SLC24A2: variants seen among roughly 807,000 people sequenced by gnomAD.
SLC24A2 encodes sodium/potassium/calcium exchanger 2.
SLC24A2 carries 36 observed loss-of-function variants against 62.0 expected under a neutral mutation model. The ratio of observed to expected loss-of-function variants is 0.58; its 90% confidence interval spans 0.44 to 0.77. SLC24A2 has a LOEUF of 0.77. Among genes scored for constraint, SLC24A2 ranks in the 30% least tolerant of loss-of-function variants. The probability of loss-of-function intolerance (pLI) is 0.00; values close to 1 mark genes in which losing one functional copy is unlikely to be tolerated. For missense variants in SLC24A2, 846 were observed against 817.9 expected, an observed-to-expected ratio of 1.03 and a Z score of -0.42; for synonymous variants, 358 against 294.0, an observed-to-expected ratio of 1.22 and a Z score of -2.23.
chr9:19,536,317 C>G (rs937873942), intron 8 of SLC24A2, among the ~76,000 whole-genome samples: 2 of 149,836 alleles, frequency 1.3e-5, no homozygotes, highest in Admixed American at 6.6e-5. Context: ...TGTCATCTGT[C>G]ATTAGGTATA....
intron 7 of SLC24A2, among the ~76,000 whole-genome samples, chr9:19,555,961 AAG>A (rs1012704779): frequency 3.9e-5 from 6 of 152,320 alleles, no homozygotes; most frequent in African/African-American, 1.4e-4. Context: ...AGACTCAAGA[AAG>A]AGAATATACA....
At chr9:19,980,061 G>A in the SLC24A2 span, among the ~76,000 whole-genome samples, 3 of 152,226 alleles carry the variant, frequency 2.0e-5, no homozygotes, top group African/African-American at 7.2e-5. Context: ...GAAATAGCAC[G>A]AAGAAATGGC....
At chr9:20,034,839 G>T in the SLC24A2 span, among the ~76,000 whole-genome samples, 2 of 152,140 alleles carry the variant, frequency 1.3e-5, no homozygotes, top group Non-Finnish European at 2.9e-5. Flanking sequence ...AATTGTTGGT[G>T]AATGTTCAAT....
intron 5 of SLC24A2, among the ~76,000 whole-genome samples, chr9:19,578,080 C>G (rs1226389667): frequency 6.7e-6 from 1 of 149,012 alleles, no homozygotes; most frequent in Non-Finnish European, 1.5e-5. Context: ...ACTTTGGGGA[C>G]TTGGGGGGAA....
rs1833389947 is a variant in SLC24A2, at chr9:19,525,386, CTTTACTTTTTTTTTTTTTTTT to C, written c.1569+2642_1569+2662del. On this transcript the variant is annotated intron_variant, in intron 9 of 10. Transcript: ENST00000341998. ...TCTGCAAGGTTTTTTTTTCCTATTT[CTTTACTTTTTTTTTTTTTTTT>C]TTTTTTTTTTTTAAAAGACAGGGTC... Among the ~76,000 whole-genome samples, 3 of 47,200 alleles carry C rather than the reference CTTTACTTTTTTTTTTTTTTTT, an allele frequency of 6.4e-5. No homozygotes were observed. In the South Asian group the frequency reaches 2.3e-3, roughly 37 times the overall value. The allele number at this position is 47,200 out of a possible 152,430, so 31.0% of individuals were successfully genotyped here.
chr9:19,902,090 T>G, the SLC24A2 span, among the ~76,000 whole-genome samples: 1 of 152,160 alleles, frequency 6.6e-6, no homozygotes, highest in Non-Finnish European at 1.5e-5. Context: ...CTGTTTATAA[T>G]TTGGTATTTT....
At chr9:19,655,799 C>G (rs1818926594) in intron 2 of SLC24A2, among the ~76,000 whole-genome samples, 1 of 152,132 alleles carries the variant, frequency 6.6e-6, no homozygotes, top group Non-Finnish European at 1.5e-5. Flanking sequence ...TGCCTGAGTG[C>G]TGTGCTGAGA....
intron 4 of SLC24A2, among the ~76,000 whole-genome samples, chr9:19,615,476 C>A (rs558414275): frequency 1.3e-5 from 2 of 152,252 alleles, no homozygotes; most frequent in South Asian, 4.2e-4. Context: ...TTTCTGAGAG[C>A]TGTGGGTTAA....
intron 2 of SLC24A2, among the ~76,000 whole-genome samples, chr9:19,753,167 C>A (rs1182677): frequency 0.48 from 72,754 of 151,988 alleles, 17,654 homozygotes; most frequent in Non-Finnish European, 0.52. Context: ...AGTCCCCAGA[C>A]CACTGCTGGC....
At chr9:19,945,023 C>G in the SLC24A2 span, among the ~76,000 whole-genome samples, 1 of 152,280 alleles carries the variant, frequency 6.6e-6, no homozygotes, top group South Asian at 2.1e-4. Context: ...ACAGAGTGGT[C>G]TTGATCAGTC....
chr9:19,905,773 G>A, the SLC24A2 span, among the ~76,000 whole-genome samples: 1 of 151,998 alleles, frequency 6.6e-6, no homozygotes, highest in Non-Finnish European at 1.5e-5. Flanking sequence ...TAGTTCCTGA[G>A]GATCTGCAAA....
chr9:20,122,576 T>TG, the SLC24A2 span, among the ~76,000 whole-genome samples: 1 of 152,038 alleles, frequency 6.6e-6, no homozygotes, highest in Non-Finnish European at 1.5e-5. Context: ...TAATCCCAGC[T>TG]ACTTGAAGCT....
At chr9:19,856,444 G>A in the SLC24A2 span, among the ~76,000 whole-genome samples, 515 of 152,114 alleles carry the variant, frequency 3.4e-3, 1 homozygote, top group African/African-American at 0.012. Flanking sequence ...CGAACTTTGA[G>A]GCTGCTGACC....
the SLC24A2 span, among the ~76,000 whole-genome samples, chr9:20,081,811 G>A: frequency 6.6e-6 from 1 of 151,878 alleles, no homozygotes; most frequent in South Asian, 2.1e-4. Context: ...TCATTGGGTG[G>A]GGATGGAAAG....
At chr9:19,978,395 G>A in the SLC24A2 span, among the ~76,000 whole-genome samples, 1 of 151,774 alleles carries the variant, frequency 6.6e-6, no homozygotes, top group East Asian at 1.9e-4. Flanking sequence ...TGCTCCAAAT[G>A]CCCTTCCCTC....
the SLC24A2 span, among the ~76,000 whole-genome samples, chr9:19,880,291 C>T: frequency 6.6e-6 from 1 of 152,310 alleles, no homozygotes; most frequent in South Asian, 2.1e-4. Flanking sequence ...TAACTCGGGA[C>T]TGGTTGGCAT....
chr9:19,996,129 T>C, the SLC24A2 span, among the ~76,000 whole-genome samples: 1 of 152,170 alleles, frequency 6.6e-6, no homozygotes, highest in Non-Finnish European at 1.5e-5. Flanking sequence ...GGGTGTCAGA[T>C]AGGGTAAAGT....
the SLC24A2 span, among the ~76,000 whole-genome samples, chr9:20,083,285 G>T: frequency 2.6e-5 from 4 of 152,222 alleles, no homozygotes; most frequent in African/African-American, 9.6e-5. Flanking sequence ...AGGACTGCCT[G>T]CATCTCCAGT....
chr9:20,123,670 C>G, the SLC24A2 span, among the ~76,000 whole-genome samples: 1 of 152,028 alleles, frequency 6.6e-6, no homozygotes, highest in Non-Finnish European at 1.5e-5. Context: ...CTAATATAAG[C>G]AAAGTGCCTA....
Sources: gnomAD v4.1 joint callset for allele counts (sites outside exome capture counted in the v4.1 genomes callset) on GRCh38, gnomAD v4.1.1 for gene constraint, MANE v1.5 for transcripts, NCBI Gene and HGNC (gene_info 2026-07-23, HGNC 2026-07-21) for gene names.